The following PLCXD1 variants were observed in gnomAD, a reference collection of about 807,000 sequenced individuals.
PLCXD1 encodes phosphatidylinositol specific phospholipase C X domain containing 1, also known as PI-PLC X domain-containing protein 1.
PLCXD1 carries 45 observed loss-of-function variants against 37.8 expected under a neutral mutation model. That is an observed-to-expected ratio of 1.19 (90% CI 0.94 to 1.53). The LOEUF (loss-of-function observed/expected upper bound fraction) is 1.53, where lower values mean the gene tolerates loss of function less well. Ranked by LOEUF, PLCXD1 falls within the 40% of genes most tolerant of loss-of-function variation. PLCXD1 has a pLI of 0.00. For synonymous variants in PLCXD1, 246 were observed against 206.9 expected (o/e 1.19, Z -1.62); for missense variants, 539 against 454.7 (o/e 1.19, Z -1.69).
intron 6 of PLCXD1, among the ~76,000 whole-genome samples, chrX:296,336 G>T (rs772984620): frequency 1.3e-4 from 19 of 151,672 alleles, no homozygotes; most frequent in Admixed American, 7.9e-4. Context: ...TGTTGGTCAG[G>T]CTGGTCTTGA....
intron 6 of PLCXD1, among the ~76,000 whole-genome samples, chrX:293,872 G>A (rs1161100126): frequency 1.3e-5 from 2 of 152,178 alleles, no homozygotes; most frequent in Non-Finnish European, 2.9e-5. Context: ...GCTGCGGAGG[G>A]GAAATGAGGA....
chrX:277,162 C>G (rs1354698572), upstream of PLCXD1, among the ~76,000 whole-genome samples: 5 of 151,332 alleles, frequency 3.3e-5, no homozygotes, highest in Admixed American at 6.6e-5. Flanking sequence ...CCTTCCTGCT[C>G]CACTTTGTCA....
At chrX:276,993 G>A (rs1602808482), upstream of PLCXD1, among the ~76,000 whole-genome samples, 1 of 152,160 alleles carries the variant, frequency 6.6e-6, no homozygotes, top group Non-Finnish European at 1.5e-5. Context: ...GGGCCCGTCC[G>A]TCATCTGCGC....
At chrX:293,671 C>T (rs766925489) in intron 6 of PLCXD1, among the ~76,000 whole-genome samples, 11 of 152,236 alleles carry the variant, frequency 7.2e-5, no homozygotes, top group East Asian at 5.8e-4. Context: ...GGTCCATCCA[C>T]GCGGTGGAAT....
At chrX:281,959 G>A (rs1452718508) in intron 1 of PLCXD1, among the ~76,000 whole-genome samples, 1 of 151,958 alleles carries the variant, frequency 6.6e-6, no homozygotes, top group Non-Finnish European at 1.5e-5. Context: ...TGTTGGCCAG[G>A]CTGGTCTCGA....
At chrX:294,913 C>T (rs1325128340) in intron 6 of PLCXD1, among the ~76,000 whole-genome samples, 5 of 152,202 alleles carry the variant, frequency 3.3e-5, no homozygotes, top group African/African-American at 1.2e-4. Flanking sequence ...CAGTGGCTCA[C>T]GCCTGTAATC....
At chrX:279,388 G>T (rs28625144), upstream of PLCXD1, among the ~76,000 whole-genome samples, 76,972 of 151,708 alleles carry the variant, frequency 0.51, 19,826 homozygotes, top group Non-Finnish European at 0.56. Flanking sequence ...AGGTTCAATC[G>T]GTGAAGGTGG....
chrX:288,633 C>T (rs6644969), intron 2 of PLCXD1, 100 bp from the exon 3 acceptor site: 553,037 of 1,283,450 alleles, frequency 0.43, 126,741 homozygotes, highest in East Asian at 0.52. Flanking sequence ...GTGCTGTGGG[C>T]GGGCAGCAGC....
At chrX:285,604 C>T (rs2069427755) in intron 2 of PLCXD1, among the ~76,000 whole-genome samples, 1 of 151,938 alleles carries the variant, frequency 6.6e-6, no homozygotes, top group South Asian at 2.1e-4. Context: ...TGCACATATG[C>T]ACACGTGTAC....
Position 288,804 on chromosome X carries a change from C to T in PLCXD1, c.199C>T (p.Gln67Ter), listed in dbSNP as rs746567045. Residue 67 changes from glutamine (Q) to a stop codon, truncating the protein, a stop_gained, in exon 3 of 7, where the codon CAG (glutamine) becomes TAG (stop). Coordinates refer to ENST00000381657, the MANE Select transcript of PLCXD1 (RefSeq NM_018390.4). LOFTEE classifies it high-confidence loss of function. ...TTCGCACGAGGAGTCCCGGCTGCTG[C>T]AGCTGCTGAACAAGGCCTTGCCCTG... ...PISHEESRLL[Q>*]LLNKALPCIT... 8 of 1,613,540 alleles carry T rather than the reference C, an allele frequency of 5.0e-6. 1 individual carries two copies. In the South Asian group the frequency reaches 7.7e-5, roughly 16 times the overall value.
rs181350912 is a variant in PLCXD1 at position 290,209 on chromosome X, C to T, written c.265-439C>T. ...TTGGGAGGCCAAGGTGGGTGGATCA[C>T]GAGGTCAGGAGATCGAGACCGTCCT... On this transcript the variant is annotated intron_variant, in intron 3 of 6. Transcript: ENST00000381657. Among the ~76,000 whole-genome samples the T allele has an allele frequency of 5.1e-3, 774 of 152,142 alleles. 7 individuals are homozygous for T. Among genetic ancestry groups the T allele is most frequent in the African/African-American group, 0.016 (649 of 41,534 alleles).
rs956049430 is a variant in PLCXD1, at chrX:288,657, G to A, written c.128-76G>A. The A allele has an allele frequency of 1.1e-5, 16 of 1,492,450 alleles. No individual in the cohort carries two copies. In the African/African-American group the frequency reaches 1.4e-4, roughly 13 times the overall value. 92.5% of individuals were successfully genotyped at this position (1,492,450 alleles called of 1,614,324 possible). On this transcript the variant is annotated intron_variant, in intron 2 of 6. Transcript: ENST00000381657. ...GCGGGCAGCAGCCTGTGCTGTAGGC[G>A]GGCTGTGGAGCGACTCACAGCAGGT...
At chrX:282,557 T>A (rs1386151261) in intron 1 of PLCXD1, among the ~76,000 whole-genome samples, 1 of 149,420 alleles carries the variant, frequency 6.7e-6, no homozygotes, top group Non-Finnish European at 1.5e-5. Context: ...ATACAAAAAT[T>A]AAGCAGGTGT....
chrX:287,324 T>C (rs1430901918), intron 2 of PLCXD1, among the ~76,000 whole-genome samples: 3 of 140,566 alleles, frequency 2.1e-5, no homozygotes, highest in Non-Finnish European at 4.6e-5. Flanking sequence ...TTATATATTA[T>C]ATTTATAAAC....
intron 3 of PLCXD1, 101 bp from the exon 4 acceptor site, chrX:290,547 G>A: frequency 7.8e-7 from 1 of 1,275,802 alleles, no homozygotes; most frequent in Non-Finnish European, 1.1e-6. Flanking sequence ...ACGTCCCAGT[G>A]GGCAGCAGGA....
At chrX:282,703 CAA>C (rs34034222) in intron 1 of PLCXD1, among the ~76,000 whole-genome samples, 30 of 109,436 alleles carry the variant, frequency 2.7e-4, no homozygotes, top group Admixed American at 4.3e-4. Flanking sequence ...GAAACTGTGT[CAA>C]AAAAAAAAAA....
At chrX:295,945 A>C (rs28670552) in intron 6 of PLCXD1, among the ~76,000 whole-genome samples, 4 of 151,076 alleles carry the variant, frequency 2.6e-5, no homozygotes, top group African/African-American at 9.8e-5. Context: ...GGTTCGAGCA[A>C]TTCTCCCGCC....
chrX:280,108 C>G (rs1256000750), upstream of PLCXD1, among the ~76,000 whole-genome samples: 1 of 152,196 alleles, frequency 6.6e-6, no homozygotes, highest in Non-Finnish European at 1.5e-5. Context: ...CTCGGCCTCC[C>G]AAAGTGTTGA....
At chrX:293,298 T>G in intron 6 of PLCXD1, 80 bp downstream of exon 6, 1 of 1,060,550 alleles carries the variant, frequency 9.4e-7, no homozygotes, top group Non-Finnish European at 1.4e-6. Context: ...CACATGGACT[T>G]GCCTTCACTT....
Sources: gnomAD v4.1 joint callset for allele counts (sites outside exome capture counted in the v4.1 genomes callset) on GRCh38, gnomAD v4.1.1 for gene constraint, MANE v1.5 for transcripts, NCBI Gene and HGNC (gene_info 2026-07-23, HGNC 2026-07-21) for gene names.